The following PCDH9 variants were observed in gnomAD, a reference collection of about 807,000 sequenced individuals.
PCDH9 encodes protocadherin-9.
Under a neutral mutation model 70.6 loss-of-function variants are expected in PCDH9, and 24 were observed. The ratio of observed to expected loss-of-function variants is 0.34; its 90% CI spans 0.25 to 0.48. The LOEUF (loss-of-function observed/expected upper bound fraction) is 0.48. Among genes scored for constraint, PCDH9 ranks in the 20% least tolerant of loss-of-function variants. PCDH9 has a pLI of 0.99. For synonymous variants in PCDH9, 562 were observed against 558.5 expected (o/e 1.01, Z -0.09); for missense variants, 1,281 against 1,503.6 (o/e 0.85, Z 2.45).
chr13:66,664,267 C>A (rs1278355189), intron 3 of PCDH9, among the ~76,000 whole-genome samples: 3 of 152,122 alleles, frequency 2.0e-5, no homozygotes, highest in Admixed American at 6.5e-5. Context: ...CTTGGATATG[C>A]ACAAATAAGA....
At chr13:66,408,643 C>A (rs939780705) in intron 4 of PCDH9, among the ~76,000 whole-genome samples, 6 of 152,118 alleles carry the variant, frequency 3.9e-5, no homozygotes, top group African/African-American at 1.4e-4. Context: ...TCTTGAACAA[C>A]CAAATGCAAA....
At position 66,563,667 on chromosome 13, in the gene PCDH9, C is replaced by T. The variant is rs368022415; in HGVS notation, c.3340+67543G>A. On this transcript the variant is annotated intron_variant, in intron 4 of 4. Coordinates refer to ENST00000377865, the MANE Select transcript of PCDH9 (RefSeq NM_203487.3). ...AGTAGTTTTCCATATTTTCTGCATACCTCAAGCCCATTCAATTCTCAAGAC... is the reference window on the plus strand; with the variant it reads ...AGTAGTTTTCCATATTTTCTGCATATCTCAAGCCCATTCAATTCTCAAGAC... 4.6e-5 allele frequency among the ~76,000 whole-genome samples: 7 copies of T among 152,260 alleles called. No homozygotes were observed. In the East Asian group the frequency reaches 7.7e-4, roughly 17 times the overall value.
chr13:66,874,232 T>C (rs759306760), intron 3 of PCDH9, among the ~76,000 whole-genome samples: 1 of 152,230 alleles, frequency 6.6e-6, no homozygotes, highest in Non-Finnish European at 1.5e-5. Flanking sequence ...TGCTGGATTA[T>C]AATAGATTAT....
At chr13:66,491,337 G>C (rs763785961) in intron 4 of PCDH9, among the ~76,000 whole-genome samples, 1 of 150,532 alleles carries the variant, frequency 6.6e-6, no homozygotes, top group Non-Finnish European at 1.5e-5. Flanking sequence ...GAACGGAACA[G>C]ATTTTGGCCA....
chr13:66,996,353 T>TA (rs1035866681), intron 2 of PCDH9: 24 of 149,184 alleles, frequency 1.6e-4, no homozygotes, highest in Admixed American at 7.4e-4. Context: ...CATTAGTGTT[T>TA]AAAAAAAAAA....
chr13:66,705,057 CT>C (rs1186273909), intron 3 of PCDH9, among the ~76,000 whole-genome samples: 1 of 151,664 alleles, frequency 6.6e-6, no homozygotes, highest in African/African-American at 2.4e-5. Context: ...CAATATATAC[CT>C]TTTCTCTATC....
chr13:67,190,187 T>C (rs191760587), intron 2 of PCDH9, among the ~76,000 whole-genome samples: 125 of 152,128 alleles, frequency 8.2e-4, no homozygotes, highest in African/African-American at 3.0e-3. Flanking sequence ...CTTAAAGATA[T>C]TACCTGATTC....
intron 3 of PCDH9, among the ~76,000 whole-genome samples, chr13:66,754,711 C>T (rs1052071149): frequency 6.6e-6 from 1 of 152,026 alleles, no homozygotes; most frequent in South Asian, 2.1e-4. Context: ...ATACAGCTAG[C>T]ATTTGTATTG....
At chr13:66,830,826 G>T (rs2080912389) in intron 3 of PCDH9, among the ~76,000 whole-genome samples, 1 of 152,150 alleles carries the variant, frequency 6.6e-6, no homozygotes, top group African/African-American at 2.4e-5. Flanking sequence ...GAGAAGGAAA[G>T]AATGAATTAA....
chr13:66,863,083 A>C (rs1213781472), intron 3 of PCDH9, among the ~76,000 whole-genome samples: 1 of 152,194 alleles, frequency 6.6e-6, no homozygotes, highest in Non-Finnish European at 1.5e-5. Context: ...GGTAACTTTA[A>C]AATATGTAAA....
At chr13:66,790,001 T>C (rs559572060) in intron 3 of PCDH9, among the ~76,000 whole-genome samples, 6 of 152,276 alleles carry the variant, frequency 3.9e-5, no homozygotes, top group African/African-American at 1.2e-4. Context: ...TAATGCAATA[T>C]CTGGGTTGCA....
Position 66,922,694 on chromosome 13 carries a change from T to C in PCDH9, c.3037-19089A>G, listed in dbSNP as rs746586501. ...ATATGATGATTTATAATGCTATCTGTTCCTATTGCTACTACTGCAGATAAC... is the reference window on the plus strand; with the variant it reads ...ATATGATGATTTATAATGCTATCTGCTCCTATTGCTACTACTGCAGATAAC... On this transcript the variant is annotated intron_variant, in intron 2 of 4. Coordinates refer to ENST00000377865, the MANE Select transcript of PCDH9 (RefSeq NM_203487.3). Among the ~76,000 whole-genome samples, 222 of 151,524 alleles carry C rather than the reference T, an allele frequency of 1.5e-3. 1 individual carries two copies. The highest frequency in any genetic ancestry group is 2.2e-3 in the Non-Finnish European group (152 of 67,640).
intron 2 of PCDH9, among the ~76,000 whole-genome samples, chr13:67,060,676 C>T (rs9529179): frequency 0.22 from 33,563 of 151,896 alleles, 4,166 homozygotes; most frequent in East Asian, 0.56. Flanking sequence ...ATTTCCTCCA[C>T]CTTCCCCAAA....
intron 4 of PCDH9, among the ~76,000 whole-genome samples, chr13:66,397,162 T>C (rs1326727464): frequency 6.6e-6 from 1 of 152,164 alleles, no homozygotes; most frequent in African/African-American, 2.4e-5. Context: ...CTCACACCTG[T>C]AATCCCAACA....
chr13:66,419,548 T>C (rs1327279127), intron 4 of PCDH9, among the ~76,000 whole-genome samples: 1 of 151,428 alleles, frequency 6.6e-6, no homozygotes, highest in Non-Finnish European at 1.5e-5. Context: ...CAGAAACACA[T>C]GGGTAGAGGA....
rs1955395305 is a variant in PCDH9 at position 66,303,076 on chromosome 13, A to T, written c.*1579T>A. The stretch of plus-strand genomic sequence containing the variant: ...TTTATTTTTTGGTAAGAACAAATTA[A>T]CTATCAGATTAGCAAACCTTTTTTT... On this transcript the variant is annotated 3_prime_UTR_variant, in exon 5 of 5. Transcript: ENST00000377865. 6.6e-6 allele frequency: 1 copy of T among 152,232 alleles called. No individual in the cohort carries two copies. 9.4% of individuals were successfully genotyped at this position (152,232 alleles called of 1,614,324 possible).
intron 2 of PCDH9, among the ~76,000 whole-genome samples, chr13:67,136,469 A>G (rs1243747328): frequency 6.6e-6 from 1 of 152,144 alleles, no homozygotes; most frequent in Non-Finnish European, 1.5e-5. Flanking sequence ...ACATGACATT[A>G]TAGTCTAGAC....
At chr13:67,220,351 G>A (rs1224362108) in intron 2 of PCDH9, 4 of 151,804 alleles carry the variant, frequency 2.6e-5, no homozygotes, top group Non-Finnish European at 5.9e-5. Flanking sequence ...ACATCAATAT[G>A]AAAATGAAAC....
chr13:66,987,845 T>C (rs1026600718), intron 2 of PCDH9, among the ~76,000 whole-genome samples: 6 of 151,998 alleles, frequency 3.9e-5, no homozygotes, highest in Non-Finnish European at 7.4e-5. Context: ...CTTGACACCA[T>C]AAATAACTAT....
Sources: gnomAD v4.1 joint callset for allele counts (sites outside exome capture counted in the v4.1 genomes callset) on GRCh38, gnomAD v4.1.1 for gene constraint, MANE v1.5 for transcripts, NCBI Gene and HGNC (gene_info 2026-07-23, HGNC 2026-07-21) for gene names.